The following CYLC2 variants were observed in gnomAD, a reference collection of about 807,000 sequenced individuals.
CYLC2 encodes cylicin-2.
In CYLC2, 30 loss-of-function variants were observed where a neutral mutation model predicts 26.1. The ratio of observed to expected loss-of-function variants is 1.15; its 90% CI spans 0.86 to 1.56. CYLC2 has a LOEUF of 1.56. Among genes scored for constraint, CYLC2 ranks in the 40% most tolerant of loss-of-function variants. CYLC2 has a pLI of 0.00. For missense variants in CYLC2, 498 were observed against 394.4 expected, an observed-to-expected ratio of 1.26 and a Z score of -2.23; for synonymous variants, 158 against 132.8, an observed-to-expected ratio of 1.19 and a Z score of -1.31.
rs1463542132 is a variant in CYLC2 at position 103,005,988 on chromosome 9, A to T, written c.*310A>T. 3 of 231,268 alleles carry T rather than the reference A, an allele frequency of 1.3e-5. No homozygotes were observed. The highest frequency in any genetic ancestry group is 9.6e-5 in the South Asian group (1 of 10,422). The allele number at this position is 231,268 out of a possible 1,614,324, so 14.3% of individuals were successfully genotyped here. On this transcript the variant is annotated 3_prime_UTR_variant, in exon 5 of 8. Transcript: ENST00000374798. ...TTTAAAGAAGAATATTCAGATAAGG[A>T]TGTTGAAGATAATGACACTAAATCT...
Position 103,004,717 on chromosome 9 carries a change from G to A in CYLC2, c.203G>A (p.Arg68Lys). 6.2e-7 allele frequency: 1 copy of A among 1,600,332 alleles called. No homozygotes were observed. The highest frequency in any genetic ancestry group is 8.5e-7 in the Non-Finnish European group (1 of 1,175,698). Residue 68 changes from arginine to lysine, a missense_variant, in exon 4 of 8, where the codon AGA becomes AAA. Arg to Lys is a conservative substitution (Grantham distance 26, BLOSUM62 2). Transcript: ENST00000374798. ...CAGATAATTGATGAAGAACAATTAA[G>A]AGGAGATCGTAGACAACCATTATGG... ...TVSIIDEEQLRGDRRQPLWMY... is the reference protein window; with the variant it reads ...TVSIIDEEQLKGDRRQPLWMY...
At chr9:103,013,271 T>TGTGTTATATATAA (rs1554713559) in intron 6 of CYLC2, among the ~76,000 whole-genome samples, 2 of 101,444 alleles carry the variant, frequency 2.0e-5, no homozygotes, top group Admixed American at 1.3e-4. Flanking sequence ...GTTATATATA[T>TGTGTTATATATAA]TATATATAAC....
chr9:103,004,647 G>T (rs1188568502), intron 3 of CYLC2, 48 bp from the exon 4 acceptor site: 1 of 1,331,720 alleles, frequency 7.5e-7, no homozygotes, highest in Non-Finnish European at 1.0e-6. Context: ...AATACAAACT[G>T]TGTTATTCAC....
At chr9:102,996,408 G>A (rs1487130954) in intron 1 of CYLC2, among the ~76,000 whole-genome samples, 1 of 151,836 alleles carries the variant, frequency 6.6e-6, no homozygotes, top group Non-Finnish European at 1.5e-5. Context: ...CAGAGAACTT[G>A]ACCACAATGG....
chr9:103,006,706 G>A lies in CYLC2; in HGVS notation c.*700+328G>A, dbSNP rs149473679. ...TGGGATTACAGGCGTGAGCCACCGC[G>A]CCCGGCCAGTTTTGTTTTATTTTAA... On this transcript the variant is annotated intron_variant, in intron 5 of 7. Coordinates refer to ENST00000374798, the MANE Select transcript of CYLC2 (RefSeq NM_001340.5). Among the ~76,000 whole-genome samples, 887 of 152,102 alleles carry A rather than the reference G, an allele frequency of 5.8e-3. 10 individuals are homozygous for A. The highest frequency in any genetic ancestry group is 0.02 in the African/African-American group (846 of 41,516).
rs777713576 is a variant in CYLC2, at chr9:103,005,472, G to A, written c.841G>A (p.Asp281Asn). ...AGATAAGAAGAAGCCCAGTAGTACAGACAGTGACTCAAAGGATGATGTCAA... is the reference window on the plus strand; with the variant it reads ...AGATAAGAAGAAGCCCAGTAGTACAAACAGTGACTCAAAGGATGATGTCAA... ...KKDKKKPSST[D>N]SDSKDDVKKE... The change falls in exon 5 of 8, where the codon GAC becomes AAC. Residue 281 changes from aspartate (D) to asparagine (N), a missense_variant. Physicochemically the swap from Asp to Asn is conservative, Grantham distance 23 (BLOSUM62 1). Coordinates refer to ENST00000374798, the MANE Select transcript of CYLC2 (RefSeq NM_001340.5). 1.2e-6 allele frequency: 2 copies of A among 1,613,756 alleles called. No individual in the cohort carries two copies. The highest frequency in any genetic ancestry group is 1.7e-5 in the Admixed American group (1 of 59,934).
intron 1 of CYLC2, among the ~76,000 whole-genome samples, chr9:103,001,107 G>A (rs1587850499): frequency 6.6e-6 from 1 of 151,838 alleles, no homozygotes; most frequent in East Asian, 1.9e-4. Flanking sequence ...GGATTTGGTG[G>A]AGTTTTTTGA....
At chr9:103,001,288 AC>A (rs1829285753) in intron 1 of CYLC2, among the ~76,000 whole-genome samples, 1 of 62,806 alleles carries the variant, frequency 1.6e-5, no homozygotes, top group South Asian at 2.3e-3. Context: ...TTATACACAC[AC>A]AATACATATA....
In CYLC2 at chr9:103,006,018, ACACACACAC is replaced by A. The variant is rs1829345459; in HGVS notation, c.*341_*349del. On this transcript the variant is annotated 3_prime_UTR_variant, in exon 5 of 8. Coordinates refer to ENST00000374798, the MANE Select transcript of CYLC2 (RefSeq NM_001340.5). ...GAAGATAATGACACTAAATCTATGG[ACACACACAC>A]ACACACACACACACACACACACACA... 1 of 3,818 alleles carries A rather than the reference ACACACACAC, an allele frequency of 2.6e-4. No individual in the cohort carries two copies. The highest frequency in any genetic ancestry group is 2.7e-3 in the Admixed American group (1 of 368). 0.2% of individuals were successfully genotyped at this position (3,818 alleles called of 1,614,324 possible).
At chr9:103,018,012 T>A (rs568296142) in intron 7 of CYLC2, among the ~76,000 whole-genome samples, 18 of 152,068 alleles carry the variant, frequency 1.2e-4, no homozygotes, top group Non-Finnish European at 2.5e-4. Context: ...CATTCTGTGG[T>A]GCTGGAAGTT....
Position 103,005,021 on chromosome 9 carries a change from G to C in CYLC2, c.390G>C (p.Ser130=). 3 of 1,593,614 alleles carry C rather than the reference G, an allele frequency of 1.9e-6. No individual in the cohort carries two copies. Among genetic ancestry groups the C allele is most frequent in the South Asian group, 1.1e-5 (1 of 87,516 alleles). ...CAACACAGAAGGACACAACAGATTC[G>C]GAATCAGAATTAAAACAAGGAAAAA... The part of the protein sequence containing the change: ...DKTTQKDTTD[S]ESELKQGKKD... Residue 130 remains serine, a synonymous_variant, in exon 5 of 8, where the codon TCG becomes TCC. Transcript: ENST00000374798.
At chr9:103,015,312 T>G (rs117122687) in intron 6 of CYLC2, among the ~76,000 whole-genome samples, 23,492 of 124,294 alleles carry the variant, frequency 0.19, 2,794 homozygotes, top group Non-Finnish European at 0.25. Flanking sequence ...ATAATATATA[T>G]TATATATAAC....
chr9:103,018,156 A>G (rs1349355868), intron 7 of CYLC2, among the ~76,000 whole-genome samples, 169 bp from the exon 8 acceptor site: 1 of 152,022 alleles, frequency 6.6e-6, no homozygotes, highest in African/African-American at 2.4e-5. Flanking sequence ...ATTTGTACTC[A>G]TTTTTTGGTA....
intron 1 of CYLC2, among the ~76,000 whole-genome samples, chr9:102,996,587 TC>T (rs1829239827): frequency 6.6e-6 from 1 of 151,564 alleles, no homozygotes; most frequent in Admixed American, 6.6e-5. Context: ...TTAGCATATT[TC>T]TTTGAGTTCA....
chr9:103,005,653 A>G lies in CYLC2; in HGVS notation c.1022A>G (p.Lys341Arg), dbSNP rs1829339253. ...AAGAATGCAAAGAAGGATGAAAAGAAGGATGCAAAGAAGAAGGGCAAGTAG... is the reference window on the plus strand; with the variant it reads ...AAGAATGCAAAGAAGGATGAAAAGAGGGATGCAAAGAAGAAGGGCAAGTAG... ...AKKNAKKDEK[K>R]DAKKKGK The change falls in exon 5 of 8, where the codon AAG becomes AGG. Residue 341 changes from lysine (K) to arginine (R), a missense_variant. By Grantham distance (26) the Lys-to-Arg change is conservative. Coordinates refer to ENST00000374798, the MANE Select transcript of CYLC2 (RefSeq NM_001340.5). 1 of 1,611,692 alleles carries G rather than the reference A, an allele frequency of 6.2e-7. No homozygotes were observed. Among genetic ancestry groups the G allele is most frequent in the African/African-American group, 1.3e-5 (1 of 74,658 alleles).
chr9:103,008,274 G>T (rs1107538), intron 5 of CYLC2, among the ~76,000 whole-genome samples: 1 of 151,812 alleles, frequency 6.6e-6, no homozygotes, highest in Non-Finnish European at 1.5e-5. Context: ...ACTGAGGTGC[G>T]CCATCACTAA....
At chr9:103,003,364 A>T in intron 3 of CYLC2, 101 bp downstream of exon 3, 1 of 1,060,712 alleles carries the variant, frequency 9.4e-7, no homozygotes, top group South Asian at 1.7e-5. Flanking sequence ...GTAATCACTA[A>T]GTAGTAAGCT....
intron 2 of CYLC2, among the ~76,000 whole-genome samples, chr9:103,001,975 G>T (rs1278241305): frequency 6.6e-6 from 1 of 152,088 alleles, no homozygotes; most frequent in Non-Finnish European, 1.5e-5. Context: ...ATTATAACCA[G>T]CTTATAATTG....
chr9:103,012,395 GATAAA>G (rs1313060172), intron 6 of CYLC2, among the ~76,000 whole-genome samples: 1 of 151,976 alleles, frequency 6.6e-6, no homozygotes, highest in East Asian at 1.9e-4. Flanking sequence ...AAATACACCA[GATAAA>G]ATAATTCCGG....
Sources: allele counts gnomAD v4.1 joint callset (sites outside exome capture counted in the v4.1 genomes callset), GRCh38; gene constraint gnomAD v4.1.1; transcripts MANE v1.5; gene names NCBI Gene and HGNC (gene_info 2026-07-23, HGNC 2026-07-21).